Variants in DNM3 observed in about 807,000 individuals in gnomAD.
DNM3 encodes dynamin-3.
DNM3 carries 47 observed loss-of-function variants against 101.6 expected under a neutral mutation model. That is an observed-to-expected ratio of 0.46 (90% confidence interval 0.37 to 0.59). DNM3 has a LOEUF of 0.59. DNM3 is among the 20% of genes least tolerant of loss of function. The pLI is 0.00. For missense variants in DNM3, 849 were observed against 1,085.7 expected (o/e 0.78, Z 3.06); for synonymous variants, 385 against 387.9 (o/e 0.99, Z 0.09).
intron 15 of DNM3, among the ~76,000 whole-genome samples, chr1:172,304,972 A>G (rs2064713178): frequency 6.6e-6 from 1 of 152,210 alleles, no homozygotes; most frequent in Non-Finnish European, 1.5e-5. Flanking sequence ...AATTAAAAGA[A>G]CTAGAGACGC....
At position 172,051,398 on chromosome 1, in the gene DNM3, G is replaced by A. The variant is rs114121760; in HGVS notation, c.1335+2648G>A. Among the ~76,000 whole-genome samples the A allele has an allele frequency of 4.7e-3, 715 of 152,136 alleles. 4 individuals carry two copies. Among genetic ancestry groups the A allele is most frequent in the African/African-American group, 0.017 (693 of 41,506 alleles). ...TCTCCATACCCAATTCACCTTCAAC[G>A]TGGAAGTGTTCAGTGTCCATGTAGA... On this transcript the variant is annotated intron_variant, in intron 10 of 20. Transcript: ENST00000627582.
chr1:172,307,690 AG>A (rs2064895966), intron 15 of DNM3, among the ~76,000 whole-genome samples: 1 of 152,238 alleles, frequency 6.6e-6, no homozygotes. Context: ...AATACTATGC[AG>A]CCATAAAAAG....
chr1:171,909,018 T>C (rs2039066733), intron 1 of DNM3, among the ~76,000 whole-genome samples: 1 of 152,164 alleles, frequency 6.6e-6, no homozygotes, highest in African/African-American at 2.4e-5. Context: ...TTTGAACACC[T>C]GCTATGTGCC....
chr1:172,142,098 C>T (rs548699865), intron 14 of DNM3: 3 of 152,144 alleles, frequency 2.0e-5, no homozygotes, highest in South Asian at 4.1e-4. Flanking sequence ...ACAATTTTCT[C>T]TTCATGACCA....
Position 172,190,011 on chromosome 1 carries a change from CTTTTTTT to C in DNM3, c.1659+58734_1659+58740del, listed in dbSNP as rs61413095. On this transcript the variant is annotated intron_variant, in intron 14 of 20. Coordinates refer to ENST00000627582, the MANE Select transcript of DNM3 (RefSeq NM_015569.5). ...ACCTCCAACATTGGGAATCACATTTCTTTTTTTTTTTTTTTTTCACTTTAAGTTCTAG... is the reference window on the plus strand; with the variant it reads ...ACCTCCAACATTGGGAATCACATTTCTTTTTTTTTTCACTTTAAGTTCTAG... Among the ~76,000 whole-genome samples the C allele has an allele frequency of 3.7e-5, 5 of 134,452 alleles. No individual in the cohort carries two copies. The South Asian group carries it at 9.5e-4, about 25-fold the overall frequency. 88.2% of individuals were successfully genotyped at this position (134,452 alleles called of 152,430 possible). A position where few individuals can be genotyped will look rare whatever the true frequency, so the allele number is the denominator to read the frequency against.
rs181246420 is a variant in DNM3 at position 172,015,976 on chromosome 1, G to C, written c.590-16426G>C. Among the ~76,000 whole-genome samples the C allele has an allele frequency of 4.9e-3, 736 of 150,970 alleles. 7 individuals are homozygous for C. Among genetic ancestry groups the C allele is most frequent in the South Asian group, 0.045 (215 of 4,784 alleles). ...GGATCACCTGAGGTCAGGAGTTTGA[G>C]AGCAGCGTGGCCAACATGGTGAAAC... On this transcript the variant is annotated intron_variant, in intron 4 of 20. Transcript: ENST00000627582.
chr1:172,054,374 C>A (rs1449780950), intron 10 of DNM3, among the ~76,000 whole-genome samples: 3 of 152,172 alleles, frequency 2.0e-5, no homozygotes, highest in Non-Finnish European at 4.4e-5. Flanking sequence ...TGGCTTCATG[C>A]CAGGGACATC....
At chr1:172,313,849 A>G (rs2065185923) in intron 16 of DNM3, among the ~76,000 whole-genome samples, 1 of 152,016 alleles carries the variant, frequency 6.6e-6, no homozygotes, top group African/African-American at 2.4e-5. Context: ...CAGAATGTGC[A>G]GGTTTGTTAC....
At chr1:172,016,229 G>T (rs2047445771) in intron 4 of DNM3, among the ~76,000 whole-genome samples, 1 of 151,764 alleles carries the variant, frequency 6.6e-6, no homozygotes, top group Admixed American at 6.6e-5. Context: ...TTAACTGTAG[G>T]TGTTTTGTAG....
intron 1 of DNM3, among the ~76,000 whole-genome samples, chr1:171,899,744 G>T (rs1242656942): frequency 1.3e-5 from 2 of 152,164 alleles, no homozygotes; most frequent in Non-Finnish European, 2.9e-5. Context: ...ATTAGACATG[G>T]TTCCTGCTTT....
At chr1:172,194,428 G>T (rs992307819) in intron 14 of DNM3, among the ~76,000 whole-genome samples, 1 of 152,068 alleles carries the variant, frequency 6.6e-6, no homozygotes, top group Non-Finnish European at 1.5e-5. Flanking sequence ...TTAACTTTTT[G>T]TCTCATTGAT....
At chr1:171,888,329 G>C (rs534139379) in intron 1 of DNM3, among the ~76,000 whole-genome samples, 1 of 152,118 alleles carries the variant, frequency 6.6e-6, no homozygotes, top group East Asian at 1.9e-4. Context: ...CTTAGAGTAG[G>C]GGGGGAATAA....
At chr1:172,058,988 C>T (rs184402626) in intron 10 of DNM3, among the ~76,000 whole-genome samples, 109 of 152,024 alleles carry the variant, frequency 7.2e-4, no homozygotes, top group Middle Eastern at 3.4e-3. Context: ...ATCAAATAGA[C>T]GCAATAAAAA....
At chr1:172,247,984 TTTATTC>T (rs1178629645) in intron 14 of DNM3, among the ~76,000 whole-genome samples, 3 of 152,080 alleles carry the variant, frequency 2.0e-5, no homozygotes, top group Non-Finnish European at 2.9e-5. Context: ...ATACCTGGCC[TTTATTC>T]TTATTCTTAT....
chr1:172,395,253 C>T (rs546135413), intron 20 of DNM3, among the ~76,000 whole-genome samples: 22 of 151,938 alleles, frequency 1.4e-4, no homozygotes, highest in Admixed American at 5.2e-4. Flanking sequence ...TCACTGCAAC[C>T]CCTGCCTCCT....
At chr1:171,962,973 T>C (rs2043316282) in intron 2 of DNM3, among the ~76,000 whole-genome samples, 1 of 152,136 alleles carries the variant, frequency 6.6e-6, no homozygotes, top group Admixed American at 6.6e-5. Flanking sequence ...TGGAAGACAG[T>C]TCAGCGGTTT....
intron 15 of DNM3, among the ~76,000 whole-genome samples, chr1:172,270,223 A>G (rs1362272194): frequency 6.6e-6 from 1 of 151,946 alleles, no homozygotes; most frequent in Non-Finnish European, 1.5e-5. Flanking sequence ...TGACATTACT[A>G]AAGTAATAAC....
At chr1:172,067,599 C>T (rs1282556045) in intron 10 of DNM3, among the ~76,000 whole-genome samples, 1 of 152,172 alleles carries the variant, frequency 6.6e-6, no homozygotes, top group Admixed American at 6.5e-5. Context: ...TTCATCTTCT[C>T]CACGGCCATT....
chr1:171,963,923 T>C (rs1204884121), intron 2 of DNM3, among the ~76,000 whole-genome samples: 2 of 152,050 alleles, frequency 1.3e-5, no homozygotes, highest in African/African-American at 4.8e-5. Context: ...GAAATACTAG[T>C]TCAGGCCATG....
Sources: gnomAD v4.1 joint callset for allele counts (sites outside exome capture counted in the v4.1 genomes callset) on GRCh38, gnomAD v4.1.1 for gene constraint, MANE v1.5 for transcripts, NCBI Gene and HGNC (gene_info 2026-07-23, HGNC 2026-07-21) for gene names.